SSH2: variants seen among roughly 807,000 people sequenced by gnomAD.
SSH2 encodes slingshot protein phosphatase 2, also known as protein phosphatase Slingshot homolog 2.
A neutral mutation model predicts 135.2 loss-of-function variants in SSH2; 37 were observed. The ratio of observed to expected loss-of-function variants is 0.27; its 90% CI spans 0.21 to 0.36. SSH2 has a LOEUF of 0.36. Among genes scored for constraint, SSH2 ranks in the 10% least tolerant of loss-of-function variants. The pLI is 1.00. For missense variants in SSH2, 1,408 were observed against 1,765.3 expected, an observed-to-expected ratio of 0.80 and a Z score of 3.63; for synonymous variants, 628 against 646.2, an observed-to-expected ratio of 0.97 and a Z score of 0.43.
chr17:29,879,091 T>C (rs2066089053), intron 1 of SSH2, among the ~76,000 whole-genome samples: 2 of 152,212 alleles, frequency 1.3e-5, no homozygotes, highest in African/African-American at 4.8e-5. Flanking sequence ...CAGAAGTATA[T>C]GGTTTTAAAA....
chr17:29,709,033 G>GAGAA lies in SSH2; in HGVS notation c.189-5972_189-5971insTTCT, dbSNP rs1555617842. ...ATATATATAGAGAGAGAGAGAGAGA[G>GAGAA]AGAGAGAGAGAGAGAGAGAGCTAAT... On this transcript the variant is annotated intron_variant, in intron 3 of 15. Coordinates refer to ENST00000540801, the MANE Select transcript of SSH2 (RefSeq NM_001282129.2). 8.6e-4 allele frequency among the ~76,000 whole-genome samples: 125 copies of GAGAA among 145,572 alleles called. 2 individuals carry two copies. Among genetic ancestry groups the GAGAA allele is most frequent in the African/African-American group, 3.0e-3 (116 of 39,262 alleles).
intron 11 of SSH2, among the ~76,000 whole-genome samples, chr17:29,663,879 A>G (rs1234465543): frequency 6.6e-6 from 1 of 152,224 alleles, no homozygotes; most frequent in Non-Finnish European, 1.5e-5. Context: ...AACAAATGTT[A>G]CACTCATTTG....
At chr17:29,913,861 C>T (rs576200804) in intron 1 of SSH2, among the ~76,000 whole-genome samples, 16 of 151,918 alleles carry the variant, frequency 1.1e-4, no homozygotes, top group Admixed American at 4.6e-4. Flanking sequence ...CTTGAACTCC[C>T]GACCTCAGGT....
chr17:29,836,030 T>C (rs1428880884), intron 2 of SSH2, among the ~76,000 whole-genome samples: 2 of 151,432 alleles, frequency 1.3e-5, no homozygotes, highest in Non-Finnish European at 2.9e-5. Context: ...ATTAATAATT[T>C]TATTATTTAT....
intron 1 of SSH2, among the ~76,000 whole-genome samples, chr17:29,920,150 C>A (rs1484671757): frequency 6.6e-6 from 1 of 152,222 alleles, no homozygotes; most frequent in Non-Finnish European, 1.5e-5. Context: ...ATCTGCCCAC[C>A]TCAGCCTCCC....
intron 3 of SSH2, among the ~76,000 whole-genome samples, chr17:29,705,654 T>C (rs1358877049): frequency 1.3e-5 from 2 of 152,232 alleles, no homozygotes; most frequent in Non-Finnish European, 2.9e-5. Context: ...TTCAAGGACC[T>C]GTAACATCCT....
chr17:29,885,649 G>A (rs992364884), intron 1 of SSH2, among the ~76,000 whole-genome samples: 1 of 152,178 alleles, frequency 6.6e-6, no homozygotes, highest in Non-Finnish European at 1.5e-5. Context: ...GTTTGGGTAT[G>A]TACCCACCTA....
chr17:29,643,014 A>C, intron 14 of SSH2: 1 of 610,100 alleles, frequency 1.6e-6, no homozygotes. Context: ...TAAAATATAA[A>C]ATGCAAGATC....
At chr17:29,775,566 G>A (rs2041680918) in intron 3 of SSH2, among the ~76,000 whole-genome samples, 1 of 152,032 alleles carries the variant, frequency 6.6e-6, no homozygotes, top group Non-Finnish European at 1.5e-5. Context: ...GTCATTTTTT[G>A]AGGATATATA....
chr17:29,738,702 C>T (rs970824610), intron 3 of SSH2, among the ~76,000 whole-genome samples: 52 of 151,980 alleles, frequency 3.4e-4, no homozygotes, highest in African/African-American at 1.2e-3. Flanking sequence ...TACAGGTGCC[C>T]GCCACCATGC....
chr17:29,626,631 C>T lies in SSH2; in HGVS notation c.*4210G>A, dbSNP rs1386269992. The T allele has an allele frequency of 6.5e-6, 1 of 152,740 alleles. No individual in the cohort carries two copies. Among genetic ancestry groups the T allele is most frequent in the African/African-American group, 2.4e-5 (1 of 41,456 alleles). The allele number at this position is 152,740 out of a possible 1,614,324, so 9.5% of individuals were successfully genotyped here. The stretch of plus-strand genomic sequence containing the variant: ...GCAGGAGCCAGGGCCAGTCACCCTC[C>T]ATTTCCAGGCTGGAAAAGTACAGAA... On this transcript the variant is annotated 3_prime_UTR_variant, in exon 16 of 16. Transcript: ENST00000540801.
At chr17:29,838,995 A>C (rs2042994206) in intron 2 of SSH2, 2 of 152,632 alleles carry the variant, frequency 1.3e-5, no homozygotes, top group Admixed American at 1.3e-4. Context: ...TGGGGAACCC[A>C]GACCTAGGAG....
chr17:29,715,159 G>A (rs922206032), intron 3 of SSH2, among the ~76,000 whole-genome samples: 4 of 149,868 alleles, frequency 2.7e-5, no homozygotes, highest in Admixed American at 6.6e-5. Context: ...GAGCCACTGC[G>A]CCCGGTGATT....
chr17:29,642,383 C>T (rs2036198704), intron 14 of SSH2, among the ~76,000 whole-genome samples: 1 of 152,038 alleles, frequency 6.6e-6, no homozygotes, highest in South Asian at 2.1e-4. Flanking sequence ...TTTTCCTTGC[C>T]CCCTATACAC....
At chr17:29,655,449 G>T in intron 12 of SSH2, 112 bp downstream of exon 12, 2 of 1,004,728 alleles carry the variant, frequency 2.0e-6, no homozygotes, top group Non-Finnish European at 1.6e-6. Context: ...GAATCAGTCA[G>T]ATGCAACTCT....
At chr17:29,836,158 A>C (rs1747200434) in intron 2 of SSH2, among the ~76,000 whole-genome samples, 1 of 152,216 alleles carries the variant, frequency 6.6e-6, no homozygotes, top group Admixed American at 6.5e-5. Context: ...TGACAGGCAA[A>C]ATGGCATGGT....
At position 29,822,124 on chromosome 17, in the gene SSH2, T is replaced by C. The variant is rs187391174; in HGVS notation, c.144+26725A>G. ...GTCTTATCATTCAATGCATTTGTCC[T>C]GTGAATTCAAAGATGCTGCTACCTC... is the stretch of plus-strand genomic sequence containing the variant. On this transcript the variant is annotated intron_variant, in intron 2 of 15. Coordinates refer to ENST00000540801, the MANE Select transcript of SSH2 (RefSeq NM_001282129.2). 2.4e-4 allele frequency among the ~76,000 whole-genome samples: 37 copies of C among 152,302 alleles called. No individual in the cohort carries two copies. In the East Asian group the frequency reaches 6.7e-3, roughly 28 times the overall value.
At chr17:29,909,982 G>A (rs2066736297) in intron 1 of SSH2, among the ~76,000 whole-genome samples, 2 of 152,192 alleles carry the variant, frequency 1.3e-5, no homozygotes, top group African/African-American at 4.8e-5. Flanking sequence ...GTCTCACTCT[G>A]TCACCTAGGG....
At chr17:29,791,404 T>C (rs549537998) in intron 3 of SSH2, among the ~76,000 whole-genome samples, 2 of 152,350 alleles carry the variant, frequency 1.3e-5, no homozygotes, top group Non-Finnish European at 2.9e-5. Flanking sequence ...AGATTATTAA[T>C]GCAATGTCTT....
Sources: gnomAD v4.1 joint callset for allele counts (sites outside exome capture counted in the v4.1 genomes callset) on GRCh38, gnomAD v4.1.1 for gene constraint, MANE v1.5 for transcripts, NCBI Gene and HGNC (gene_info 2026-07-23, HGNC 2026-07-21) for gene names.